KRT35: variants seen among roughly 807,000 people sequenced by gnomAD.
KRT35 encodes the protein keratin, type I cuticular Ha5.
In KRT35, 33 loss-of-function variants were observed where a neutral mutation model predicts 42.2. The observed-to-expected ratio is 0.78, with a 90% CI of 0.59 to 1.05. The LOEUF (loss-of-function observed/expected upper bound fraction) is 1.05, where lower values mean the gene tolerates loss of function less well. KRT35 is among the 50% of genes least tolerant of loss of function. KRT35 has a pLI of 0.00. For synonymous variants in KRT35, 218 were observed against 238.2 expected (o/e 0.92, Z 0.78); for missense variants, 585 against 589.2 (o/e 0.99, Z 0.07).
chr17:41,477,772 G>C (rs753021122), intron 5 of KRT35, 34 bp from the exon 6 acceptor site: 2 of 1,596,258 alleles, frequency 1.3e-6, no homozygotes, highest in South Asian at 1.1e-5. Context: ...GGAGGAAAAA[G>C]GCTAGAGGTC....
At position 41,476,713 on chromosome 17, in the gene KRT35, C is replaced by G. The variant is rs1443546264; in HGVS notation, c.*343G>C. ...ATGGTGCAAGTTAGGCATCAGGGGC[C>G]TGAGCAAATGCACTTTATTGTTCTG... On this transcript the variant is annotated 3_prime_UTR_variant, in exon 7 of 7. Transcript: ENST00000246639. 4.8e-6 allele frequency: 1 copy of G among 207,850 alleles called. No homozygotes were observed. Among genetic ancestry groups the G allele is most frequent in the Non-Finnish European group, 9.6e-6 (1 of 104,172 alleles). The allele number at this position is 207,850 out of a possible 1,614,324, so 12.9% of individuals were successfully genotyped here. A position where few individuals can be genotyped will look rare whatever the true frequency, so the allele number is the denominator to read the frequency against.
chr17:41,479,015 G>A lies in KRT35; in HGVS notation c.712-20C>T, dbSNP rs752874264. ...CACTTCCTATAGCACAGACCAGGAT[G>A]AGTACTAATTCCCAGAGGGCTGCCT... is the stretch of plus-strand genomic sequence containing the variant. On this transcript the variant is annotated intron_variant, in intron 3 of 6. Transcript: ENST00000246639. The A allele has an allele frequency of 6.2e-6, 10 of 1,600,810 alleles. No individual in the cohort carries two copies. Among genetic ancestry groups the A allele is most frequent in the Non-Finnish European group, 8.5e-6 (10 of 1,172,416 alleles).
chr17:41,478,722 G>T (rs2019213804), intron 4 of KRT35, 112 bp downstream of exon 4: 2 of 1,240,682 alleles, frequency 1.6e-6, no homozygotes, highest in Non-Finnish European at 2.3e-6. Context: ...TTGTCAGCAA[G>T]GTCAAAACAG....
chr17:41,479,147 G>C (rs2019220196), intron 3 of KRT35, 152 bp from the exon 4 acceptor site: 2 of 965,628 alleles, frequency 2.1e-6, no homozygotes, highest in South Asian at 3.3e-5. Context: ...TCCTCCCCAT[G>C]CTCACCTCCT....
chr17:41,478,231 A>G, intron 5 of KRT35, 130 bp downstream of exon 5: 5 of 979,640 alleles, frequency 5.1e-6, no homozygotes, highest in Non-Finnish European at 7.4e-6. Context: ...TCTTTTCTGC[A>G]TAGAGAACCC....
intron 6 of KRT35, 100 bp from the exon 7 acceptor site, chr17:41,477,303 C>G: frequency 7.0e-7 from 1 of 1,420,658 alleles, no homozygotes; most frequent in Non-Finnish European, 9.6e-7. Flanking sequence ...CCCTAAAAAC[C>G]ACCTTGATCC....
In KRT35 at chr17:41,477,041, C is replaced by T. The variant is rs1333174550; in HGVS notation, c.*15G>A. On this transcript the variant is annotated 3_prime_UTR_variant, in exon 7 of 7. Transcript: ENST00000246639. ...CCCTGGAGACAATAGCCATGGCCAT[C>T]TGGGTCACCCGCTCTCAGAACCGAC... 1 of 1,544,416 alleles carries T rather than the reference C, an allele frequency of 6.5e-7. No homozygotes were observed. The highest frequency in any genetic ancestry group is 2.3e-5 in the East Asian group (1 of 44,256).
chr17:41,476,980 T>A lies in KRT35; in HGVS notation c.*76A>T. On this transcript the variant is annotated 3_prime_UTR_variant, in exon 7 of 7. Coordinates refer to ENST00000246639, the MANE Select transcript of KRT35 (RefSeq NM_002280.6). ...TCTGCGCGAAGAGAGGGGATTGGGC[T>A]ACAAGGGTTAAGTTTGGGTAGAGGC... The A allele has an allele frequency of 7.1e-7, 1 of 1,401,502 alleles. No homozygotes were observed. Among genetic ancestry groups the A allele is most frequent in the Middle Eastern group, 2.7e-4 (1 of 3,732 alleles). The allele number at this position is 1,401,502 out of a possible 1,614,324, so 86.8% of individuals were successfully genotyped here. A position where few individuals can be genotyped will look rare whatever the true frequency, so the allele number is the denominator to read the frequency against.
Position 41,479,667 on chromosome 17 carries a change from C to A in KRT35, c.554+32G>T, listed in dbSNP as rs777266404. On this transcript the variant is annotated intron_variant, in intron 2 of 6. Transcript: ENST00000246639. Reference sequence around the variant, plus strand: ...CATCACCTGTGTCCAGTTCTAGCAGCCCCCAACCACATGACAAGCAGGACA... The same window carrying A: ...CATCACCTGTGTCCAGTTCTAGCAGACCCCAACCACATGACAAGCAGGACA... 5.0e-6 allele frequency: 8 copies of A among 1,602,444 alleles called. No individual in the cohort carries two copies. In the Admixed American group the frequency reaches 8.3e-5, roughly 17 times the overall value.
At chr17:41,478,017 T>C (rs1479948666) in intron 5 of KRT35, among the ~76,000 whole-genome samples, 1 of 152,214 alleles carries the variant, frequency 6.6e-6, no homozygotes, top group African/African-American at 2.4e-5. Context: ...GACATCTCAC[T>C]TGAGATGAGC....
At chr17:41,477,284 T>C (rs2019185644) in intron 6 of KRT35, 81 bp from the exon 7 acceptor site, 2 of 1,518,862 alleles carry the variant, frequency 1.3e-6, no homozygotes, top group Admixed American at 1.9e-5. Flanking sequence ...CTATGCAAAC[T>C]GGGAAGCACC....
In KRT35 at chr17:41,479,767, C is replaced by T; in HGVS notation, c.486G>A (p.Lys162=). Residue 162 remains lysine (K), a synonymous_variant, in exon 2 of 7, where the codon AAG becomes AAA. Transcript: ENST00000246639. ...CCACCACCAGCCTGGCATTCTCAGC[C>T]TTGCTGCATAGAGTCTGGAGATATG... ...EELQKKTLCS[K]AENARLVVEI... 2.5e-6 allele frequency: 4 copies of T among 1,614,002 alleles called. No individual in the cohort carries two copies. In the South Asian group the frequency reaches 3.3e-5, roughly 13 times the overall value.
Position 41,480,936 on chromosome 17 carries a change from C to T in KRT35, c.162G>A (p.Val54=), listed in dbSNP as rs1371598747. The change falls in exon 1 of 7, where the codon GTG becomes GTA. Residue 54 remains valine, a synonymous_variant. Coordinates refer to ENST00000246639, the MANE Select transcript of KRT35 (RefSeq NM_002280.6). Reference sequence around the variant, plus strand: ...CCCTGTAGCTGCTTCTGCCCAGACCCACTGAGCAGGCAGAGAAACTTCTGG... The same window carrying T: ...CCCTGTAGCTGCTTCTGCCCAGACCTACTGAGCAGGCAGAGAAACTTCTGG... The part of the protein sequence containing the change: ...PVARSFSACS[V]GLGRSSYRAT... 1.9e-6 allele frequency: 3 copies of T among 1,614,054 alleles called. No individual in the cohort carries two copies. Among genetic ancestry groups the T allele is most frequent in the Admixed American group, 1.7e-5 (1 of 60,010 alleles).
intron 6 of KRT35, 109 bp from the exon 7 acceptor site, chr17:41,477,312 C>A: frequency 7.2e-7 from 1 of 1,391,866 alleles, no homozygotes. Flanking sequence ...CCACCTTGAT[C>A]CTGCCCCCTT....
rs1184134757 is a variant in KRT35 at position 41,477,745 on chromosome 17, G to A, written c.1000-7C>T. On this transcript the variant is annotated splice_region_variant and splice_polypyrimidine_tract_variant and intron_variant, in intron 5 of 6. Transcript: ENST00000246639. ...TGGATTCCAAAGCATCTCTCTGTGAGGGCAAGAGTTGTGTAGGGAGGAAAA... is the reference window on the plus strand; with the variant it reads ...TGGATTCCAAAGCATCTCTCTGTGAAGGCAAGAGTTGTGTAGGGAGGAAAA... 1.2e-6 allele frequency: 2 copies of A among 1,612,708 alleles called. No homozygotes were observed. Among genetic ancestry groups the A allele is most frequent in the Non-Finnish European group, 8.5e-7 (1 of 1,179,032 alleles).
chr17:41,477,869 G>A (rs1461921756), intron 5 of KRT35, 131 bp from the exon 6 acceptor site: 2 of 1,304,898 alleles, frequency 1.5e-6, no homozygotes, highest in Admixed American at 2.8e-5. Context: ...CTCTCTGTGA[G>A]GTCAAGAGTT....
chr17:41,480,703 C>A lies in KRT35; in HGVS notation c.395G>T (p.Trp132Leu). 1 of 1,614,210 alleles carries A rather than the reference C, an allele frequency of 6.2e-7. No homozygotes were observed. Among genetic ancestry groups the A allele is most frequent in the Non-Finnish European group, 8.5e-7 (1 of 1,180,030 alleles). ...NASLESRIRE[W>L]CEQQVPYMCP... is the part of the protein sequence containing the mutation. ...CATGTAGGGGACCTGCTGCTCACAC[C>A]ACTCACGGATGCGGCTCTCCAGGCT... Residue 132 changes from tryptophan (W) to leucine (L), a missense_variant, in exon 1 of 7, where the codon TGG becomes TTG. Physicochemically the swap from Trp to Leu is moderately conservative, Grantham distance 61. Transcript: ENST00000246639.
chr17:41,480,097 C>T (rs528101396), intron 1 of KRT35, among the ~76,000 whole-genome samples: 14 of 152,354 alleles, frequency 9.2e-5, no homozygotes, highest in Admixed American at 2.6e-4. Flanking sequence ...GGGCCCAGGG[C>T]ATTTCATTGC....
intron 6 of KRT35, 36 bp downstream of exon 6, chr17:41,477,482 C>T (rs757526460): frequency 3.1e-6 from 5 of 1,608,406 alleles, no homozygotes; most frequent in Non-Finnish European, 3.4e-6. Context: ...TGGTAGATTG[C>T]AGTGAGAAGA....
Sources: allele counts gnomAD v4.1 joint callset (sites outside exome capture counted in the v4.1 genomes callset), GRCh38; gene constraint gnomAD v4.1.1; transcripts MANE v1.5; gene names NCBI Gene and HGNC (gene_info 2026-07-23, HGNC 2026-07-21).